The following PPP1R18 variants were observed in gnomAD, a reference collection of about 807,000 sequenced individuals.
PPP1R18 encodes phostensin.
In PPP1R18, 31 loss-of-function variants were observed where a neutral mutation model predicts 54.8. The observed-to-expected ratio is 0.57, with a 90% CI of 0.43 to 0.76. The LOEUF (loss-of-function observed/expected upper bound fraction) is 0.76. Ranked by LOEUF, PPP1R18 falls within the 30% of genes least tolerant of loss-of-function variation. The probability of loss-of-function intolerance (pLI) is 0.00; values close to 1 mark genes in which losing one functional copy is unlikely to be tolerated. For missense variants in PPP1R18, 685 were observed against 776.1 expected, an observed-to-expected ratio of 0.88 and a Z score of 1.39; for synonymous variants, 310 against 320.2, an observed-to-expected ratio of 0.97 and a Z score of 0.34.
chr6:30,685,824 T>A lies in PPP1R18; in HGVS notation c.195A>T (p.Val65=). 6.2e-7 allele frequency: 1 copy of A among 1,612,974 alleles called. No homozygotes were observed. Among genetic ancestry groups the A allele is most frequent in the Non-Finnish European group, 8.5e-7 (1 of 1,180,032 alleles). ...CATCCGGGTCTGGAGGTCCAGCCTC[T>A]ACAGTCCCTAGCACAGGGCTAGGCT... ...PGEPSPVLGT[V]EAGPPDPDES... Residue 65 remains valine (V), a synonymous_variant, in exon 1 of 3, where the codon GTA becomes GTT. Transcript: ENST00000274853. This position sits in a 1 kb window ranked among gnomAD's most constrained non-coding sequence, Gnocchi z 5.0.
At chr6:30,682,928 C>G (rs1250825313) in intron 1 of PPP1R18, among the ~76,000 whole-genome samples, 3 of 152,190 alleles carry the variant, frequency 2.0e-5, no homozygotes, top group Non-Finnish European at 4.4e-5. Flanking sequence ...TAGGAAGTGA[C>G]TTTTCTGAAC....
In PPP1R18 at chr6:30,677,412, CTAAAGCATGTTACCACCAG is replaced by C. The variant is rs1770261341; in HGVS notation, c.1823-143_1823-125del. 12 of 745,632 alleles carry C rather than the reference CTAAAGCATGTTACCACCAG, an allele frequency of 1.6e-5. No individual in the cohort carries two copies. In the South Asian group the frequency reaches 2.1e-4, roughly 13 times the overall value. 46.2% of individuals were successfully genotyped at this position (745,632 alleles called of 1,614,324 possible). ...GGAAGTCCTATAATATCTTCCATAT[CTAAAGCATGTTACCACCAG>C]TAACCACATCCATCACTCATTTAGC... On this transcript the variant is annotated intron_variant, in intron 2 of 2. Transcript: ENST00000274853.
Position 30,680,242 on chromosome 6 carries a change from G to A in PPP1R18, c.1612-853C>T, listed in dbSNP as rs376096267. The stretch of plus-strand genomic sequence containing the variant: ...GGTAATCACACTGTCCCAAGAGCAG[G>A]CGAGTCCCAGCTGTTCTCACTGCCT... On this transcript the variant is annotated intron_variant, in intron 1 of 2. Transcript: ENST00000274853. 1.9e-4 allele frequency among the ~76,000 whole-genome samples: 29 copies of A among 152,302 alleles called. No homozygotes were observed. The East Asian group carries it at 5.6e-3, about 29-fold the overall frequency.
Position 30,685,095 on chromosome 6 carries a change from G to C in PPP1R18, c.924C>G (p.Ser308=). The change falls in exon 1 of 3, where the codon TCC becomes TCG. Residue 308 remains serine, a synonymous_variant. Coordinates refer to ENST00000274853, the MANE Select transcript of PPP1R18 (RefSeq NM_133471.4). This position sits in a 1 kb window ranked among gnomAD's most constrained non-coding sequence, Gnocchi z 5.0. ...TLTREAQGNS[S]AGVEAAEQRP... is the part of the protein sequence containing the mutation. ...TCTGCTCTGCTGCCTCCACTCCTGCGGAACTGTTGCCTTGGGCCTCCCTTG... is the reference window on the plus strand; with the variant it reads ...TCTGCTCTGCTGCCTCCACTCCTGCCGAACTGTTGCCTTGGGCCTCCCTTG... 1 of 1,613,060 alleles carries C rather than the reference G, an allele frequency of 6.2e-7. No homozygotes were observed. Among genetic ancestry groups the C allele is most frequent in the African/African-American group, 1.3e-5 (1 of 74,986 alleles).
chr6:30,681,017 G>A (rs889889452), intron 1 of PPP1R18, among the ~76,000 whole-genome samples: 21 of 151,480 alleles, frequency 1.4e-4, no homozygotes, highest in Non-Finnish European at 4.4e-5. Flanking sequence ...CCCGGGAGGC[G>A]GAGGTTGCAG....
Position 30,677,085 on chromosome 6 carries a change from G to T in PPP1R18, c.*184C>A. The T allele has an allele frequency of 1.4e-6, 1 of 717,682 alleles. No individual in the cohort carries two copies. 44.5% of individuals were successfully genotyped at this position (717,682 alleles called of 1,614,324 possible). A position where few individuals can be genotyped will look rare whatever the true frequency, so the allele number is the denominator to read the frequency against. Reference sequence around the variant, plus strand: ...AACCCCACCCACACCAGGGACTTTGGATTAGGGTAGAAATTGGGCAATTGG... The same window carrying T: ...AACCCCACCCACACCAGGGACTTTGTATTAGGGTAGAAATTGGGCAATTGG... On this transcript the variant is annotated 3_prime_UTR_variant, in exon 3 of 3. Coordinates refer to ENST00000274853, the MANE Select transcript of PPP1R18 (RefSeq NM_133471.4).
intron 2 of PPP1R18, among the ~76,000 whole-genome samples, chr6:30,677,791 G>A (rs1770279520): frequency 1.3e-5 from 2 of 152,114 alleles, no homozygotes; most frequent in African/African-American, 4.8e-5. Flanking sequence ...AGGTTGCAGT[G>A]AGCCAAGGTT....
chr6:30,679,104 C>T, intron 2 of PPP1R18, 75 bp downstream of exon 2: 1 of 1,298,986 alleles, frequency 7.7e-7, no homozygotes, highest in South Asian at 1.2e-5. Flanking sequence ...ATGTAATCCT[C>T]CCTCCTCTCT....
rs753620678 is a variant in PPP1R18 at position 30,685,439 on chromosome 6, G to A, written c.580C>T (p.Leu194=). 5.6e-6 allele frequency: 9 copies of A among 1,612,876 alleles called. No individual in the cohort carries two copies. The Admixed American group carries it at 1.2e-4, about 21-fold the overall frequency. Residue 194 remains leucine, a synonymous_variant, in exon 1 of 3, where the codon CTG becomes TTG. Coordinates refer to ENST00000274853, the MANE Select transcript of PPP1R18 (RefSeq NM_133471.4). This position sits in a 1 kb window ranked among gnomAD's most constrained non-coding sequence, Gnocchi z 5.0. The part of the protein sequence containing the change: ...SRLSEAWKWR[L]SPGETPERSL... Reference sequence around the variant, plus strand: ...CGCTCTGGAGTTTCTCCAGGACTCAGCCTCCATTTCCATGCCTCTGACAGT... The same window carrying A: ...CGCTCTGGAGTTTCTCCAGGACTCAACCTCCATTTCCATGCCTCTGACAGT...
intron 2 of PPP1R18, among the ~76,000 whole-genome samples, chr6:30,677,895 A>G (rs1770286437): frequency 6.6e-6 from 1 of 151,942 alleles, no homozygotes; most frequent in African/African-American, 2.4e-5. Flanking sequence ...ATTTTCTACA[A>G]GTCTAGGAGG....
At position 30,683,158 on chromosome 6, in the gene PPP1R18, C is replaced by T. The variant is rs765143044; in HGVS notation, c.1611+1250G>A. On this transcript the variant is annotated intron_variant, in intron 1 of 2. Transcript: ENST00000274853. The surrounding 1 kb of genome is among the most constrained non-coding windows in gnomAD (Gnocchi z 5.1). ...TTTAGTCCCTGTGGTTCCCCACTGA[C>T]ACTGAGGACACAAAAAAATCAAATC... 1.1e-4 allele frequency among the ~76,000 whole-genome samples: 16 copies of T among 152,194 alleles called. No individual in the cohort carries two copies. The highest frequency in any genetic ancestry group is 2.1e-4 in the Non-Finnish European group (14 of 68,042).
In PPP1R18 at chr6:30,679,803, G is replaced by C. The variant is rs145951780; in HGVS notation, c.1612-414C>G. 4.2e-4 allele frequency among the ~76,000 whole-genome samples: 64 copies of C among 152,254 alleles called. No individual in the cohort carries two copies. In the East Asian group the frequency reaches 4.2e-3, roughly 10 times the overall value. ...CAGAACCGAGTCTTTGGGCACCTTG[G>C]GGGCAATCGAGTGAACTTCCCAGAG... is the stretch of plus-strand genomic sequence containing the variant. On this transcript the variant is annotated intron_variant, in intron 1 of 2. Coordinates refer to ENST00000274853, the MANE Select transcript of PPP1R18 (RefSeq NM_133471.4).
chr6:30,677,295 G>T lies in PPP1R18; in HGVS notation c.1823-7C>A. ...CACCGCCGGCAGGACTCATCTGTGG[G>T]AGAGGGGGCAATAATGTTAGAGAAT... is the stretch of plus-strand genomic sequence containing the variant. On this transcript the variant is annotated splice_region_variant and splice_polypyrimidine_tract_variant and intron_variant, in intron 2 of 2. Transcript: ENST00000274853. The T allele has an allele frequency of 6.3e-7, 1 of 1,594,956 alleles. No homozygotes were observed. Among genetic ancestry groups the T allele is most frequent in the Non-Finnish European group, 8.5e-7 (1 of 1,173,060 alleles).
At position 30,684,804 on chromosome 6, in the gene PPP1R18, T is replaced by C. The variant is rs774019908; in HGVS notation, c.1215A>G (p.Pro405=). ...NCCSVPSPLP[P]EDAGTGGLRQ... The stretch of plus-strand genomic sequence containing the variant: ...TCAGGCCTCCAGTCCCAGCGTCCTC[T>C]GGTGGGAGGGGGGAGGGCACAGAGC... Residue 405 remains proline (P), a synonymous_variant, in exon 1 of 3, where the codon CCA becomes CCG. Transcript: ENST00000274853. This position sits in a 1 kb window ranked among gnomAD's most constrained non-coding sequence, Gnocchi z 6.0. 1.2e-6 allele frequency: 2 copies of C among 1,604,988 alleles called. No individual in the cohort carries two copies. The highest frequency in any genetic ancestry group is 3.4e-5 in the Admixed American group (2 of 59,404).
At chr6:30,687,143 C>T (rs1771026948), upstream of PPP1R18, 1 of 152,394 alleles carries the variant, frequency 6.6e-6, no homozygotes, top group Non-Finnish European at 1.4e-5. The surrounding 1 kb of genome is among the most constrained non-coding windows in gnomAD (Gnocchi z 7.9). Flanking sequence ...GGAGGGGGTG[C>T]GGAGGAGCCG....
Position 30,686,179 on chromosome 6 carries a change from C to T in PPP1R18, c.-161G>A. 1.5e-6 allele frequency: 1 copy of T among 663,122 alleles called. No individual in the cohort carries two copies. The highest frequency in any genetic ancestry group is 2.5e-6 in the Non-Finnish European group (1 of 403,182). 41.1% of individuals were successfully genotyped at this position (663,122 alleles called of 1,614,324 possible). ...AGGGCAGAGGGGCTAAGGATGAGGA[C>T]AGAGGGAAAGACGGAAGGCAGAGAA... On this transcript the variant is annotated 5_prime_UTR_variant, in exon 1 of 3. Transcript: ENST00000274853.
In PPP1R18 at chr6:30,686,137, G is replaced by C; in HGVS notation, c.-119C>G. 9.5e-7 allele frequency: 1 copy of C among 1,051,740 alleles called. No individual in the cohort carries two copies. The highest frequency in any genetic ancestry group is 1.6e-5 in the African/African-American group (1 of 62,832). The allele number at this position is 1,051,740 out of a possible 1,614,324, so 65.2% of individuals were successfully genotyped here. ...TGGGAGGAGAGGAAGTGGAGGGGGA[G>C]AGGTGGGACACAAAGCAGGGCAGAG... On this transcript the variant is annotated 5_prime_UTR_variant, in exon 1 of 3. Coordinates refer to ENST00000274853, the MANE Select transcript of PPP1R18 (RefSeq NM_133471.4).
upstream of PPP1R18, chr6:30,687,222 A>C (rs767122123): frequency 5.3e-4 from 76 of 143,740 alleles, no homozygotes; most frequent in Non-Finnish European, 8.3e-4. The surrounding 1 kb of genome is among the most constrained non-coding windows in gnomAD (Gnocchi z 7.9). Context: ...GGAGGGGAGG[A>C]GGGAGGGAGA....
At chr6:30,679,524 G>A (rs1483569428) in intron 1 of PPP1R18, 135 bp from the exon 2 acceptor site, 1 of 500,444 alleles carries the variant, frequency 2.0e-6, no homozygotes, top group Non-Finnish European at 3.5e-6. Context: ...ACGTGGGGGT[G>A]GGGGCTGGAC....
Sources: allele counts gnomAD v4.1 joint callset (sites outside exome capture counted in the v4.1 genomes callset), GRCh38; gene constraint gnomAD v4.1.1; non-coding constraint Gnocchi (gnomAD v3.1); transcripts MANE v1.5; gene names NCBI Gene and HGNC (gene_info 2026-07-23, HGNC 2026-07-21).